Variants in SMAD3 observed in about 807,000 individuals in gnomAD.
SMAD3 encodes the protein SMAD family member 3.
Under a neutral mutation model 51.8 loss-of-function variants are expected in SMAD3, and 12 were observed. The ratio of observed to expected loss-of-function variants is 0.23; its 90% CI spans 0.15 to 0.38. The LOEUF (loss-of-function observed/expected upper bound fraction) is 0.38. Ranked by LOEUF, SMAD3 falls within the 10% of genes least tolerant of loss-of-function variation. The pLI, the probability that SMAD3 is intolerant of heterozygous loss-of-function variation, is 1.00. For missense variants in SMAD3, 294 were observed against 565.6 expected (o/e 0.52, Z 4.87); for synonymous variants, 238 against 227.7 (o/e 1.05, Z -0.41).
intron 1 of SMAD3, among the ~76,000 whole-genome samples, chr15:67,109,860 C>T (rs1448776117): frequency 2.0e-5 from 3 of 152,172 alleles, no homozygotes; most frequent in East Asian, 3.9e-4. Context: ...CCTGGTGGAG[C>T]GTGCCAGCCC....
At chr15:67,141,955 T>C (rs1434702755) in intron 1 of SMAD3, among the ~76,000 whole-genome samples, 6 of 152,144 alleles carry the variant, frequency 3.9e-5, no homozygotes, top group Non-Finnish European at 7.4e-5. Flanking sequence ...GTGTCATTCA[T>C]GTTTTCCATT....
At chr15:67,115,165 A>G (rs1008830155) in intron 1 of SMAD3, among the ~76,000 whole-genome samples, 6 of 152,192 alleles carry the variant, frequency 3.9e-5, no homozygotes, top group Admixed American at 6.5e-5. Context: ...TGCACTGACA[A>G]TCTTTGAATT....
At chr15:67,076,330 A>T (rs1175504096) in intron 1 of SMAD3, among the ~76,000 whole-genome samples, 1 of 152,226 alleles carries the variant, frequency 6.6e-6, no homozygotes, top group Non-Finnish European at 1.5e-5. Flanking sequence ...TCGATGAATC[A>T]GGTCTCCTGG....
At position 67,115,367 on chromosome 15, in the gene SMAD3, A is replaced by G. The variant is rs190964469; in HGVS notation, c.206+49007A>G. Among the ~76,000 whole-genome samples, 5 of 152,312 alleles carry G rather than the reference A, an allele frequency of 3.3e-5. No homozygotes were observed. In the East Asian group the frequency reaches 9.7e-4, roughly 29 times the overall value. On this transcript the variant is annotated intron_variant, in intron 1 of 8. Coordinates refer to ENST00000327367, the MANE Select transcript of SMAD3 (RefSeq NM_005902.4). ...CAGGTAGAATAGAGTCAAAATGCAAACAGAATGGCCTCCCTCCACAGTCTG... is the reference window on the plus strand; with the variant it reads ...CAGGTAGAATAGAGTCAAAATGCAAGCAGAATGGCCTCCCTCCACAGTCTG...
intron 1 of SMAD3, chr15:67,142,837 G>A (rs772130112): frequency 1.1e-5 from 5 of 454,182 alleles, no homozygotes; most frequent in Admixed American, 7.1e-5. Context: ...GCAGCTGGTG[G>A]GCACCCCATG....
intron 6 of SMAD3, among the ~76,000 whole-genome samples, chr15:67,182,579 A>G (rs1394668397): frequency 6.6e-6 from 1 of 152,096 alleles, no homozygotes; most frequent in Admixed American, 6.6e-5. Context: ...GGGCTCTCAC[A>G]GAAGACTTCA....
chr15:67,143,490 A>G (rs1341953678), intron 1 of SMAD3, among the ~76,000 whole-genome samples: 1 of 152,218 alleles, frequency 6.6e-6, no homozygotes, highest in Non-Finnish European at 1.5e-5. Context: ...GCTGGAGTAC[A>G]GTGGCCTGAT....
chr15:67,105,860 G>C (rs1960865731), intron 1 of SMAD3, among the ~76,000 whole-genome samples: 1 of 152,186 alleles, frequency 6.6e-6, no homozygotes, highest in Admixed American at 6.5e-5. Flanking sequence ...GGTCTTGCTT[G>C]AGCATGTCCT....
At chr15:67,090,735 TCC>T (rs1960491725) in intron 1 of SMAD3, among the ~76,000 whole-genome samples, 1 of 152,184 alleles carries the variant, frequency 6.6e-6, no homozygotes, top group Admixed American at 6.5e-5. Flanking sequence ...TTACTGCAGT[TCC>T]CCTCCCCAGC....
At position 67,193,403 on chromosome 15, in the gene SMAD3, A is replaced by G. The variant is rs573415984; in HGVS notation, c.*2867A>G. On this transcript the variant is annotated 3_prime_UTR_variant, in exon 9 of 9. Coordinates refer to ENST00000327367, the MANE Select transcript of SMAD3 (RefSeq NM_005902.4). Reference sequence around the variant, plus strand: ...AGATCCTTGTCTTCAGCACCTTCCAAGGAGCCAACTTTTATTCCCTTTCCT... The same window carrying G: ...AGATCCTTGTCTTCAGCACCTTCCAGGGAGCCAACTTTTATTCCCTTTCCT... The G allele has an allele frequency of 8.6e-6, 2 of 233,714 alleles. No homozygotes were observed. The highest frequency in any genetic ancestry group is 6.0e-5 in the East Asian group (1 of 16,736). The allele number at this position is 233,714 out of a possible 1,614,324, so 14.5% of individuals were successfully genotyped here.
In SMAD3 at chr15:67,192,353, C is replaced by T. The variant is rs2140330972; in HGVS notation, c.*1817C>T. On this transcript the variant is annotated 3_prime_UTR_variant, in exon 9 of 9. Coordinates refer to ENST00000327367, the MANE Select transcript of SMAD3 (RefSeq NM_005902.4). ...ACCTTGACAGACTTGTGTGAGTCTT[C>T]TCGAAGGAGGGTTGACTCAGAACCC... The T allele has an allele frequency of 4.3e-6, 1 of 233,188 alleles. No individual in the cohort carries two copies. Among genetic ancestry groups the T allele is most frequent in the South Asian group, 1.8e-4 (1 of 5,514 alleles). The allele number at this position is 233,188 out of a possible 1,614,324, so 14.4% of individuals were successfully genotyped here.
intron 8 of SMAD3, among the ~76,000 whole-genome samples, chr15:67,188,416 G>A (rs1291464762): frequency 1.3e-5 from 2 of 152,074 alleles, no homozygotes; most frequent in African/African-American, 4.8e-5. Flanking sequence ...GGGATTACAG[G>A]CGTGAACCAC....
intron 4 of SMAD3, among the ~76,000 whole-genome samples, chr15:67,170,131 C>T (rs1962707066): frequency 6.6e-6 from 1 of 152,138 alleles, no homozygotes; most frequent in Non-Finnish European, 1.5e-5. Context: ...CCTCCTGCTT[C>T]CTGGGTCTTT....
chr15:67,094,530 C>T (rs1323346090), intron 1 of SMAD3, among the ~76,000 whole-genome samples: 1 of 152,184 alleles, frequency 6.6e-6, no homozygotes, highest in African/African-American at 2.4e-5. Context: ...AACGCAGGGC[C>T]TGCTGGAGCA....
rs1347114356 is a variant in SMAD3 at position 67,193,719 on chromosome 15, T to C, written c.*3183T>C. On this transcript the variant is annotated 3_prime_UTR_variant, in exon 9 of 9. Coordinates refer to ENST00000327367, the MANE Select transcript of SMAD3 (RefSeq NM_005902.4). The stretch of plus-strand genomic sequence containing the variant: ...ATTTTTTTTTTTTTATTGACCATGG[T>C]GATTATTTTTTTAAACCATCGTTAA... 1 of 232,678 alleles carries C rather than the reference T, an allele frequency of 4.3e-6. No individual in the cohort carries two copies. Among genetic ancestry groups the C allele is most frequent in the Non-Finnish European group, 8.5e-6 (1 of 117,566 alleles). 14.4% of individuals were successfully genotyped at this position (232,678 alleles called of 1,614,324 possible).
intron 5 of SMAD3, among the ~76,000 whole-genome samples, chr15:67,177,896 T>C (rs1962950068): frequency 6.6e-6 from 1 of 152,132 alleles, no homozygotes; most frequent in African/African-American, 2.4e-5. Flanking sequence ...GGCTGGCTTT[T>C]AGTTGTTTGC....
chr15:67,109,055 C>T (rs188580876), intron 1 of SMAD3, among the ~76,000 whole-genome samples: 87 of 152,280 alleles, frequency 5.7e-4, no homozygotes, highest in African/African-American at 1.2e-3. Context: ...TATTCGTCTT[C>T]GTGTCTCTGG....
At chr15:67,124,450 G>GA (rs5813429) in intron 1 of SMAD3, among the ~76,000 whole-genome samples, 43,876 of 151,332 alleles carry the variant, frequency 0.29, 6,695 homozygotes, top group Middle Eastern at 0.37. Context: ...TCAGTCTTTA[G>GA]AAAAAAAAAA....
rs375738035 is a variant in SMAD3 at position 67,190,488 on chromosome 15, C to A, written c.1230C>A (p.Val410=). Residue 410 remains valine (V), a synonymous_variant, in exon 9 of 9, where the codon GTC becomes GTA. Transcript: ENST00000327367. Reference sequence around the variant, plus strand: ...GGCCTTTGCAGTGGCTTGACAAGGTCCTCACCCAGATGGGCTCCCCAAGCA... The same window carrying A: ...GGCCTTTGCAGTGGCTTGACAAGGTACTCACCCAGATGGGCTCCCCAAGCA... ...LNGPLQWLDK[V]LTQMGSPSIR... 1.9e-6 allele frequency: 3 copies of A among 1,613,958 alleles called. No homozygotes were observed. The highest frequency in any genetic ancestry group is 2.5e-6 in the Non-Finnish European group (3 of 1,179,940).
Sources: gnomAD v4.1 joint callset for allele counts (sites outside exome capture counted in the v4.1 genomes callset) on GRCh38, gnomAD v4.1.1 for gene constraint, MANE v1.5 for transcripts, NCBI Gene and HGNC (gene_info 2026-07-23, HGNC 2026-07-21) for gene names.